Variants in CTNNA3 observed in about 807,000 individuals in gnomAD.
The protein encoded by CTNNA3 is catenin alpha-3.
In CTNNA3, 76 loss-of-function variants were observed where a neutral mutation model predicts 95.7. The observed-to-expected ratio is 0.79, with a 90% CI of 0.66 to 0.96. The LOEUF (loss-of-function observed/expected upper bound fraction) is 0.96, where lower values mean the gene tolerates loss of function less well. Among genes scored for constraint, CTNNA3 ranks in the 40% least tolerant of loss-of-function variants. The probability of loss-of-function intolerance (pLI) is 0.00; values close to 1 mark genes in which losing one functional copy is unlikely to be tolerated. For synonymous variants in CTNNA3, 431 were observed against 374.4 expected (o/e 1.15, Z -1.74); for missense variants, 1,191 against 1,089.8 (o/e 1.09, Z -1.31).
chr10:67,428,433 T>G (rs1845993886), intron 5 of CTNNA3, among the ~76,000 whole-genome samples: 2 of 152,060 alleles, frequency 1.3e-5, no homozygotes, highest in Admixed American at 1.3e-4. Context: ...GTAAATTAAT[T>G]AAGAAAATAC....
chr10:66,316,648 C>A (rs1246689411), intron 12 of CTNNA3, among the ~76,000 whole-genome samples: 2 of 151,978 alleles, frequency 1.3e-5, no homozygotes, highest in Non-Finnish European at 2.9e-5. Context: ...CAAGAAAAAA[C>A]CCCTATAGAC....
chr10:65,977,596 C>A (rs1360793044), intron 16 of CTNNA3, among the ~76,000 whole-genome samples: 1 of 151,966 alleles, frequency 6.6e-6, no homozygotes, highest in African/African-American at 2.4e-5. Flanking sequence ...GCCTGGTCAA[C>A]ATGGTGAAAC....
chr10:67,050,364 G>A (rs1470371850), intron 7 of CTNNA3, among the ~76,000 whole-genome samples: 1 of 151,634 alleles, frequency 6.6e-6, no homozygotes, highest in Non-Finnish European at 1.5e-5. Context: ...TTTATAGAGA[G>A]GAAAATATAT....
chr10:66,685,591 C>T (rs983145867), intron 9 of CTNNA3, among the ~76,000 whole-genome samples: 5 of 150,794 alleles, frequency 3.3e-5, no homozygotes, highest in African/African-American at 1.2e-4. Flanking sequence ...CCAGGATGGT[C>T]TCGATCTCCT....
chr10:67,583,843 G>A (rs947472208), intron 3 of CTNNA3, among the ~76,000 whole-genome samples: 2 of 152,018 alleles, frequency 1.3e-5, no homozygotes, highest in African/African-American at 2.4e-5. Flanking sequence ...TCTTCCACTT[G>A]ATTGAATCGG....
intron 7 of CTNNA3, among the ~76,000 whole-genome samples, chr10:66,950,785 T>A (rs1848498896): frequency 6.6e-6 from 1 of 151,928 alleles, no homozygotes; most frequent in African/African-American, 2.4e-5. Context: ...AAAGCATGAG[T>A]TCATATAAGG....
intron 5 of CTNNA3, among the ~76,000 whole-genome samples, chr10:67,468,476 T>G (rs995913524): frequency 2.6e-5 from 4 of 152,058 alleles, no homozygotes; most frequent in Admixed American, 1.3e-4. Context: ...AGCCACAGAG[T>G]GTCAGTATAG....
intron 7 of CTNNA3, among the ~76,000 whole-genome samples, chr10:67,137,322 C>G (rs751323235): frequency 6.6e-6 from 1 of 151,816 alleles, no homozygotes; most frequent in South Asian, 2.1e-4. Context: ...AAAAAAATAT[C>G]AAACATCTTG....
At chr10:67,203,955 T>C (rs73262287) in intron 6 of CTNNA3, among the ~76,000 whole-genome samples, 10,349 of 152,138 alleles carry the variant, frequency 0.068, 554 homozygotes, top group African/African-American at 0.15. Flanking sequence ...GCAGGAGTAA[T>C]TGAGGGAGTT....
chr10:66,563,525 G>C (rs1842615483), intron 10 of CTNNA3, among the ~76,000 whole-genome samples: 1 of 152,036 alleles, frequency 6.6e-6, no homozygotes, highest in African/African-American at 2.4e-5. Flanking sequence ...TTTGCTAGTT[G>C]TTTCATATGA....
At chr10:66,778,675 T>C (rs1401899812) in intron 7 of CTNNA3, among the ~76,000 whole-genome samples, 3 of 149,610 alleles carry the variant, frequency 2.0e-5, no homozygotes, top group Admixed American at 6.6e-5. Flanking sequence ...AGAAAGACTT[T>C]ATTAAAAAAA....
At chr10:66,912,167 T>C (rs1371482404) in intron 7 of CTNNA3, among the ~76,000 whole-genome samples, 3 of 152,102 alleles carry the variant, frequency 2.0e-5, no homozygotes, top group Non-Finnish European at 2.9e-5. Flanking sequence ...GAAGTTTAAA[T>C]TTACTTGTAA....
chr10:66,650,162 C>G (rs1039330272), intron 9 of CTNNA3, among the ~76,000 whole-genome samples: 9 of 152,170 alleles, frequency 5.9e-5, no homozygotes, highest in Admixed American at 4.6e-4. Flanking sequence ...ACTTTTTTCT[C>G]AAACACACAC....
chr10:67,002,993 T>C (rs556329366), intron 7 of CTNNA3, among the ~76,000 whole-genome samples: 2 of 152,292 alleles, frequency 1.3e-5, no homozygotes, highest in South Asian at 2.1e-4. Context: ...ATTCATCAGA[T>C]GCAGTATTGC....
At chr10:66,497,597 A>G (rs1432674746) in intron 11 of CTNNA3, among the ~76,000 whole-genome samples, 1 of 152,088 alleles carries the variant, frequency 6.6e-6, no homozygotes, top group Non-Finnish European at 1.5e-5. Context: ...TGATTAGAAA[A>G]GAGCACTGTA....
intron 11 of CTNNA3, among the ~76,000 whole-genome samples, chr10:66,449,683 A>G (rs1284026889): frequency 1.3e-5 from 2 of 152,086 alleles, no homozygotes; most frequent in African/African-American, 2.4e-5. Context: ...ACTCATCCAG[A>G]AAATCTGGAT....
At chr10:67,753,287 G>A (rs942962028) in intron 1 of CTNNA3, among the ~76,000 whole-genome samples, 4 of 152,004 alleles carry the variant, frequency 2.6e-5, no homozygotes, top group South Asian at 2.1e-4. Context: ...AATTGAAACT[G>A]GGCCCTTTCT....
chr10:66,243,720 T>A (rs1219070239), intron 13 of CTNNA3, among the ~76,000 whole-genome samples: 1 of 152,158 alleles, frequency 6.6e-6, no homozygotes. Flanking sequence ...TGAGGCTGAG[T>A]CATGATCGTG....
chr10:67,615,625 A>G lies in CTNNA3; in HGVS notation c.100-8576T>C, dbSNP rs764220638. Among the ~76,000 whole-genome samples the G allele has an allele frequency of 1.0e-3, 158 of 151,576 alleles. 2 individuals are homozygous for G. The highest frequency in any genetic ancestry group is 2.0e-3 in the Admixed American group (31 of 15,234). On this transcript the variant is annotated intron_variant, in intron 2 of 17. Coordinates refer to ENST00000433211, the MANE Select transcript of CTNNA3 (RefSeq NM_013266.4). ...GGGGGAACAGAGAATAAACAAATAC[A>G]TAAGTAAATGTGTAACACAACGGCA... is the stretch of plus-strand genomic sequence containing the variant.
Sources: allele counts gnomAD v4.1 joint callset (sites outside exome capture counted in the v4.1 genomes callset), GRCh38; gene constraint gnomAD v4.1.1; transcripts MANE v1.5; gene names NCBI Gene and HGNC (gene_info 2026-07-23, HGNC 2026-07-21).